ABCC2: variants seen among roughly 807,000 people sequenced by gnomAD.
ABCC2 encodes the protein ATP binding cassette subfamily C member 2.
Under a neutral mutation model 173.4 loss-of-function variants are expected in ABCC2, and 157 were observed. That is an observed-to-expected ratio of 0.91 (90% CI 0.80 to 1.03). The LOEUF (loss-of-function observed/expected upper bound fraction) is 1.03. Among genes scored for constraint, ABCC2 ranks in the 50% least tolerant of loss-of-function variants. ABCC2 has a pLI of 0.00. For missense variants in ABCC2, 1,822 were observed against 1,852.3 expected, an observed-to-expected ratio of 0.98 and a Z score of 0.30; for synonymous variants, 657 against 693.5, an observed-to-expected ratio of 0.95 and a Z score of 0.83.
chr10:99,810,238 G>A lies in ABCC2; in HGVS notation c.1900+20G>A. The A allele has an allele frequency of 6.2e-7, 1 of 1,606,818 alleles. No homozygotes were observed. Among genetic ancestry groups the A allele is most frequent in the Admixed American group, 1.7e-5 (1 of 59,932 alleles). ...ATTTTGGTAAATAAATTTGGAAGTT[G>A]CTTCCCAAACTTATTCGCAGTACTG... On this transcript the variant is annotated intron_variant, in intron 14 of 31. Coordinates refer to ENST00000647814, the MANE Select transcript of ABCC2 (RefSeq NM_000392.5).
At chr10:99,818,299 T>G (rs1034751375) in intron 17 of ABCC2, among the ~76,000 whole-genome samples, 1 of 152,132 alleles carries the variant, frequency 6.6e-6, no homozygotes, top group South Asian at 2.1e-4. Context: ...AACCTCTAAA[T>G]AAAGACCCTG....
Position 99,817,405 on chromosome 10 carries a change from A to T in ABCC2, c.2192A>T (p.Gln731Leu). The change falls in exon 17 of 32, where the codon CAG becomes CTG. Residue 731 changes from glutamine to leucine, a missense_variant. Coordinates refer to ENST00000647814, the MANE Select transcript of ABCC2 (RefSeq NM_000392.5). ...ACAGAGTTTAATGAAAAGAGGTACC[A>T]GCAAGTACTGGAGGCCTGTGCTCTC... ...FGTEFNEKRYQQVLEACALLP... is the reference protein window; with the variant it reads ...FGTEFNEKRYLQVLEACALLP... 6.2e-7 allele frequency: 1 copy of T among 1,614,196 alleles called. No homozygotes were observed. Among genetic ancestry groups the T allele is most frequent in the Non-Finnish European group, 8.5e-7 (1 of 1,180,028 alleles).
At chr10:99,818,704 A>G (rs1471018003) in intron 17 of ABCC2, 86 bp from the exon 18 acceptor site, 24 of 1,501,868 alleles carry the variant, frequency 1.6e-5, no homozygotes, top group Non-Finnish European at 2.2e-5. Flanking sequence ...TATTGAGACA[A>G]ATTTCTTCCT....
intron 26 of ABCC2, among the ~76,000 whole-genome samples, chr10:99,842,995 G>A (rs3780881): frequency 1.3e-5 from 2 of 151,740 alleles, no homozygotes; most frequent in South Asian, 4.2e-4. Flanking sequence ...AGAGGTTGTA[G>A]TGAGCCAAGA....
At chr10:99,843,961 G>C in intron 27 of ABCC2, 61 bp downstream of exon 27, 2 of 1,329,980 alleles carry the variant, frequency 1.5e-6, no homozygotes, top group South Asian at 1.2e-5. Flanking sequence ...TCCTTCGAGA[G>C]TGCATCTTTA....
At chr10:99,847,763 CA>C (rs759836668) in intron 30 of ABCC2, among the ~76,000 whole-genome samples, 17 of 151,938 alleles carry the variant, frequency 1.1e-4, no homozygotes, top group Non-Finnish European at 2.1e-4. Context: ...ACTAAAAATA[CA>C]AAAAATTAAC....
intron 31 of ABCC2, among the ~76,000 whole-genome samples, chr10:99,851,235 A>G (rs1217017917): frequency 2.0e-5 from 3 of 152,204 alleles, no homozygotes; most frequent in African/African-American, 7.2e-5. Context: ...CCCTTTGTAA[A>G]CCAATCTATC....
rs2037845184 is a variant in ABCC2 at position 99,793,625 on chromosome 10, G to T, written c.408G>T (p.Trp136Cys). ...QKNSWFLSLF[W>C]ILSILCGTFQ... ...ACTCCTGGTTCCTGTCCCTATTCTGGATTCTCTCGATACTCTGTGGCACTT... is the reference window on the plus strand; with the variant it reads ...ACTCCTGGTTCCTGTCCCTATTCTGTATTCTCTCGATACTCTGTGGCACTT... The change falls in exon 4 of 32, where the codon TGG (tryptophan) becomes TGT (cysteine). Residue 136 changes from tryptophan to cysteine, a missense_variant. Trp to Cys is a radical substitution (Grantham distance 215). Transcript: ENST00000647814. The T allele has an allele frequency of 6.2e-7, 1 of 1,613,978 alleles. No homozygotes were observed. Among genetic ancestry groups the T allele is most frequent in the Non-Finnish European group, 8.5e-7 (1 of 1,180,018 alleles).
At chr10:99,811,462 C>T (rs1003147052) in intron 14 of ABCC2, 74 bp from the exon 15 acceptor site, 26 of 1,441,084 alleles carry the variant, frequency 1.8e-5, no homozygotes, top group South Asian at 5.7e-5. Context: ...ATGGAGAAAG[C>T]GGAGAGAGAC....
intron 2 of ABCC2, among the ~76,000 whole-genome samples, chr10:99,787,102 A>C (rs1057262349): frequency 7.3e-5 from 11 of 150,802 alleles, no homozygotes; most frequent in Admixed American, 7.3e-4. Context: ...CGGGAGGTGG[A>C]GGTTACAGTG....
At chr10:99,822,696 T>C (rs1453473372) in intron 19 of ABCC2, among the ~76,000 whole-genome samples, 15 of 152,010 alleles carry the variant, frequency 9.9e-5, no homozygotes, top group Non-Finnish European at 1.5e-5. Flanking sequence ...CTATAAATGT[T>C]TAAAAAATTT....
chr10:99,794,273 C>G, intron 5 of ABCC2, 140 bp from the exon 6 acceptor site: 2 of 855,814 alleles, frequency 2.3e-6, no homozygotes, highest in Non-Finnish European at 3.8e-6. Context: ...CAAATAAACA[C>G]ATGTTGATAA....
intron 7 of ABCC2, chr10:99,797,669 C>G: frequency 3.0e-6 from 1 of 333,444 alleles, no homozygotes; most frequent in Non-Finnish European, 5.8e-6. Flanking sequence ...ATTTATTGAG[C>G]ACAACTGTGT....
intron 14 of ABCC2, among the ~76,000 whole-genome samples, chr10:99,810,747 G>A (rs758979879): frequency 2.6e-5 from 4 of 152,166 alleles, no homozygotes; most frequent in African/African-American, 7.2e-5. Context: ...GACTTTAGCC[G>A]GGTGCGGTGG....
intron 16 of ABCC2, among the ~76,000 whole-genome samples, chr10:99,813,638 C>G (rs1201660086): frequency 6.6e-6 from 1 of 151,910 alleles, no homozygotes; most frequent in Non-Finnish European, 1.5e-5. Flanking sequence ...TCACTTGGGC[C>G]CAGGAGGGCT....
chr10:99,806,253 C>T (rs11190291), intron 11 of ABCC2, among the ~76,000 whole-genome samples: 28,310 of 152,096 alleles, frequency 0.19, 2,735 homozygotes, highest in South Asian at 0.27. Context: ...GTGCTGTGTG[C>T]TTCCCAAACT....
intron 19 of ABCC2, among the ~76,000 whole-genome samples, chr10:99,819,530 A>G (rs553178930): frequency 6.6e-6 from 1 of 152,344 alleles, no homozygotes; most frequent in Admixed American, 6.5e-5. Flanking sequence ...GAAGGGTACA[A>G]CTGAAAGTCT....
At position 99,844,407 on chromosome 10, in the gene ABCC2, G is replaced by A. The variant is rs369846306; in HGVS notation, c.3929G>A (p.Arg1310Gln). The change falls in exon 28 of 32, where the codon CGA (arginine) becomes CAA (glutamine). Residue 1310 changes from arginine (R) to glutamine (Q), a missense_variant. Transcript: ENST00000647814. ...IQFNNYQVRY[R>Q]PELDLVLRGI... ...TTTAACAACTACCAAGTGCGGTACC[G>A]ACCTGAGCTGGATCTGGTCCTCAGA... 11 of 1,614,074 alleles carry A rather than the reference G, an allele frequency of 6.8e-6. No individual in the cohort carries two copies. Among genetic ancestry groups the A allele is most frequent in the East Asian group, 4.5e-5 (2 of 44,896 alleles).
At chr10:99,795,702 GAA>G (rs1183945641) in intron 6 of ABCC2, among the ~76,000 whole-genome samples, 3 of 138,058 alleles carry the variant, frequency 2.2e-5, no homozygotes, top group African/African-American at 5.5e-5. Flanking sequence ...TCCATCAAAA[GAA>G]AGAGAGAGAG....
Sources: allele counts gnomAD v4.1 joint callset (sites outside exome capture counted in the v4.1 genomes callset), GRCh38; gene constraint gnomAD v4.1.1; transcripts MANE v1.5; gene names NCBI Gene and HGNC (gene_info 2026-07-23, HGNC 2026-07-21).